Variants in DLG2 observed in about 807,000 individuals in gnomAD.
The protein encoded by DLG2 is disks large homolog 2.
In DLG2, 45 loss-of-function variants were observed where a neutral mutation model predicts 132.5. The ratio of observed to expected loss-of-function variants is 0.34; its 90% CI spans 0.27 to 0.44. The LOEUF is 0.44. Ranked by LOEUF, DLG2 falls within the 20% of genes least tolerant of loss-of-function variation. The probability of loss-of-function intolerance (pLI) is 1.00; values close to 1 mark genes in which losing one functional copy is unlikely to be tolerated. For missense variants in DLG2, 1,045 were observed against 1,196.9 expected (o/e 0.87, Z 1.87); for synonymous variants, 424 against 419.6 (o/e 1.01, Z -0.13).
At position 84,502,194 on chromosome 11, in the gene DLG2, C is replaced by CTT. The variant is rs1292639650; in HGVS notation, c.519+32375_519+32376insAA. ...TCTCTCTTTCTCTCTCTTTCTCTCTCTCTCTCTCCTTCCTTCCTTCCTTCC... is the reference window on the plus strand; with the variant it reads ...TCTCTCTTTCTCTCTCTTTCTCTCTCTTTCTCTCTCCTTCCTTCCTTCCTTCC... On this transcript the variant is annotated intron_variant, in intron 7 of 27. Transcript: ENST00000376104. 9.0e-4 allele frequency among the ~76,000 whole-genome samples: 12 copies of CTT among 13,348 alleles called. 1 individual carries two copies. Among genetic ancestry groups the CTT allele is most frequent in the African/African-American group, 1.7e-3 (3 of 1,720 alleles). The allele number at this position is 13,348 out of a possible 152,430, so 8.8% of individuals were successfully genotyped here.
At chr11:83,601,510 CTTT>C (rs71066054) in intron 19 of DLG2, among the ~76,000 whole-genome samples, 14 of 94,558 alleles carry the variant, frequency 1.5e-4, no homozygotes, top group East Asian at 7.3e-4. Flanking sequence ...ATGTGATGTT[CTTT>C]TTTTTTTTTT....
chr11:84,268,492 C>T (rs1403865242), intron 7 of DLG2, among the ~76,000 whole-genome samples: 4 of 146,214 alleles, frequency 2.7e-5, no homozygotes, highest in Non-Finnish European at 3.0e-5. Context: ...GACAGAGTCT[C>T]GCTCTGTCAC....
chr11:85,426,601 G>A (rs369772906), intron 3 of DLG2, among the ~76,000 whole-genome samples: 67 of 152,212 alleles, frequency 4.4e-4, no homozygotes, highest in African/African-American at 1.6e-3. Flanking sequence ...AAACAGAAAG[G>A]ACATCCACAC....
chr11:85,357,008 A>G (rs1215049906), intron 3 of DLG2, among the ~76,000 whole-genome samples: 3 of 151,890 alleles, frequency 2.0e-5, no homozygotes, highest in African/African-American at 7.3e-5. Flanking sequence ...ATTCATGTAT[A>G]TAATATTTGG....
intron 18 of DLG2, among the ~76,000 whole-genome samples, chr11:83,698,954 C>T (rs1191971773): frequency 6.6e-6 from 1 of 152,162 alleles, no homozygotes; most frequent in African/African-American, 2.4e-5. Flanking sequence ...CAAGAGAGAG[C>T]TGCATCTTTG....
chr11:84,278,793 G>A (rs996501032), intron 7 of DLG2, among the ~76,000 whole-genome samples: 4 of 126,282 alleles, frequency 3.2e-5, no homozygotes, highest in Non-Finnish European at 5.0e-5. Context: ...TTATGAAATA[G>A]TAAACATTAT....
intron 2 of DLG2, among the ~76,000 whole-genome samples, chr11:85,603,885 C>T (rs1054441374): frequency 2.0e-5 from 3 of 152,152 alleles, no homozygotes; most frequent in African/African-American, 7.2e-5. Flanking sequence ...CTACTGCACT[C>T]CAGCCTGGGC....
intron 9 of DLG2, among the ~76,000 whole-genome samples, chr11:84,137,572 A>G (rs561234943): frequency 7.2e-5 from 11 of 152,286 alleles, no homozygotes; most frequent in Admixed American, 7.2e-4. Flanking sequence ...GTTATTATCA[A>G]CAGATGTTTT....
chr11:83,464,743 GA>G (rs2090691095), intron 26 of DLG2, among the ~76,000 whole-genome samples: 1 of 152,182 alleles, frequency 6.6e-6, no homozygotes, highest in Non-Finnish European at 1.5e-5. Flanking sequence ...TATTGCACCG[GA>G]CCAAATGTGC....
intron 7 of DLG2, chr11:84,317,301 G>T (rs528194838): frequency 1.4e-6 from 2 of 1,443,984 alleles, no homozygotes; most frequent in Non-Finnish European, 1.8e-6. Context: ...CGTGGGAGCA[G>T]TGGGAGCAGC....
At chr11:83,865,603 G>A (rs1025250292) in intron 16 of DLG2, among the ~76,000 whole-genome samples, 8 of 151,840 alleles carry the variant, frequency 5.3e-5, no homozygotes, top group African/African-American at 7.3e-5. Flanking sequence ...GGGAGGAACC[G>A]GTAGAGGAGA....
At chr11:85,277,821 G>T (rs2077984863) in intron 4 of DLG2, among the ~76,000 whole-genome samples, 1 of 152,094 alleles carries the variant, frequency 6.6e-6, no homozygotes, top group Admixed American at 6.6e-5. Flanking sequence ...TAGTCTCCAG[G>T]TACCTAGTTG....
rs576703228 is a variant in DLG2 at position 84,797,304 on chromosome 11, T to C, written c.358-262573A>G. Among the ~76,000 whole-genome samples, 9 of 152,316 alleles carry C rather than the reference T, an allele frequency of 5.9e-5. 1 individual carries two copies. The highest frequency in any genetic ancestry group is 5.9e-4 in the Admixed American group (9 of 15,304). ...TGGGAAGTTCTCTGTTACTATCTCT[T>C]TGAATACACTTTCTACCCCAAACTC... On this transcript the variant is annotated intron_variant, in intron 6 of 27. Coordinates refer to ENST00000376104, the MANE Select transcript of DLG2 (RefSeq NM_001142699.3).
chr11:84,249,147 G>A (rs923360739), intron 8 of DLG2, among the ~76,000 whole-genome samples: 1 of 152,186 alleles, frequency 6.6e-6, no homozygotes, highest in African/African-American at 2.4e-5. Context: ...ACAAGAAAGT[G>A]GTCTTACTTA....
chr11:85,487,626 C>G (rs761552333), intron 3 of DLG2, among the ~76,000 whole-genome samples: 10 of 151,070 alleles, frequency 6.6e-5, no homozygotes, highest in African/African-American at 2.4e-4. Context: ...TCCAGTCAGA[C>G]AAAAATTTTT....
At chr11:83,800,112 A>G (rs377308551) in intron 17 of DLG2, among the ~76,000 whole-genome samples, 1 of 152,164 alleles carries the variant, frequency 6.6e-6, no homozygotes, top group African/African-American at 2.4e-5. Context: ...AATTATCTCA[A>G]TGCAGGCTCA....
intron 3 of DLG2, among the ~76,000 whole-genome samples, chr11:85,429,046 T>A (rs2090982706): frequency 6.6e-6 from 1 of 152,102 alleles, no homozygotes; most frequent in Admixed American, 6.5e-5. Flanking sequence ...GCTAAATTCC[T>A]CAACACATAC....
intron 15 of DLG2, among the ~76,000 whole-genome samples, chr11:83,901,038 A>G (rs2073266681): frequency 6.6e-6 from 1 of 152,158 alleles, no homozygotes; most frequent in African/African-American, 2.4e-5. Flanking sequence ...GGAGCTCTAC[A>G]ATTTGACTGC....
chr11:84,829,109 C>T (rs2078699736), intron 6 of DLG2, among the ~76,000 whole-genome samples: 1 of 151,564 alleles, frequency 6.6e-6, no homozygotes, highest in Non-Finnish European at 1.5e-5. Flanking sequence ...CATAATTAGA[C>T]AAGAAAAATA....
Sources: allele counts gnomAD v4.1 joint callset (sites outside exome capture counted in the v4.1 genomes callset), GRCh38; gene constraint gnomAD v4.1.1; transcripts MANE v1.5; gene names NCBI Gene and HGNC (gene_info 2026-07-23, HGNC 2026-07-21).